SEMA5A: variants seen among roughly 807,000 people sequenced by gnomAD.
The protein encoded by SEMA5A is semaphorin-5A.
Under a neutral mutation model 135.5 loss-of-function variants are expected in SEMA5A, and 55 were observed. That is an observed-to-expected ratio of 0.41 (90% CI 0.33 to 0.51). The LOEUF is 0.51. Ranked by LOEUF, SEMA5A falls within the 20% of genes least tolerant of loss-of-function variation. The pLI, the probability that SEMA5A is intolerant of heterozygous loss-of-function variation, is 0.37. For missense variants in SEMA5A, 1,290 were observed against 1,419.9 expected (o/e 0.91, Z 1.47); for synonymous variants, 580 against 546.5 (o/e 1.06, Z -0.85).
chr5:9,075,582 G>A (rs1046788222), intron 16 of SEMA5A, among the ~76,000 whole-genome samples: 1 of 147,428 alleles, frequency 6.8e-6, no homozygotes, highest in Non-Finnish European at 1.5e-5. Context: ...TGACACTGTA[G>A]AATTCTATTC....
At chr5:9,386,617 C>T (rs149074613) in intron 2 of SEMA5A, among the ~76,000 whole-genome samples, 3,230 of 152,298 alleles carry the variant, frequency 0.021, 49 homozygotes, top group Non-Finnish European at 0.032. Context: ...TGGTGGCTGA[C>T]ACCAGCCACA....
intron 2 of SEMA5A, among the ~76,000 whole-genome samples, chr5:9,384,374 A>G (rs983963019): frequency 6.6e-6 from 1 of 152,076 alleles, no homozygotes; most frequent in African/African-American, 2.4e-5. Context: ...TATTTTAGTC[A>G]TATAATCCCG....
Position 9,395,168 on chromosome 5 carries a change from G to T in SEMA5A, c.-77-15145C>A, listed in dbSNP as rs115008130. Among the ~76,000 whole-genome samples the T allele has an allele frequency of 6.9e-3, 1,053 of 152,296 alleles. 15 individuals are homozygous for T. Among genetic ancestry groups the T allele is most frequent in the African/African-American group, 0.025 (1,019 of 41,564 alleles). ...TTAACCAGTGAGACAGGACTTCAATGCACATATTTAGATCCAGTTCAGGGT... is the reference window on the plus strand; with the variant it reads ...TTAACCAGTGAGACAGGACTTCAATTCACATATTTAGATCCAGTTCAGGGT... On this transcript the variant is annotated intron_variant, in intron 2 of 22. Transcript: ENST00000382496.
chr5:9,160,881 T>C (rs1018724108), intron 11 of SEMA5A, among the ~76,000 whole-genome samples: 6 of 152,170 alleles, frequency 3.9e-5, no homozygotes, highest in East Asian at 1.9e-4. Context: ...GTAGATTCCA[T>C]TGGAAACATG....
At chr5:9,117,448 T>C (rs1468936690) in intron 15 of SEMA5A, among the ~76,000 whole-genome samples, 1 of 152,236 alleles carries the variant, frequency 6.6e-6, no homozygotes, top group African/African-American at 2.4e-5. Context: ...TTTTGGAATA[T>C]TGGTGTATAT....
chr5:9,304,364 G>A (rs1751756836), intron 5 of SEMA5A, among the ~76,000 whole-genome samples: 1 of 151,996 alleles, frequency 6.6e-6, no homozygotes, highest in African/African-American at 2.4e-5. Flanking sequence ...CTATGTCTAT[G>A]AAAGAACATA....
At chr5:9,096,364 C>G (rs1434692749) in intron 16 of SEMA5A, among the ~76,000 whole-genome samples, 1 of 152,198 alleles carries the variant, frequency 6.6e-6, no homozygotes, top group Non-Finnish European at 1.5e-5. Context: ...TCCTGCCAAC[C>G]TAACAACCAC....
intron 1 of SEMA5A, among the ~76,000 whole-genome samples, chr5:9,543,023 T>G (rs191751584): frequency 5.9e-5 from 9 of 152,310 alleles, no homozygotes; most frequent in Non-Finnish European, 1.2e-4. Context: ...ATAAAATCAC[T>G]TGAAACTCTT....
intron 16 of SEMA5A, among the ~76,000 whole-genome samples, chr5:9,084,447 G>T (rs981966727): frequency 1.3e-5 from 2 of 152,182 alleles, no homozygotes; most frequent in African/African-American, 4.8e-5. Context: ...GGAGGAACCT[G>T]TTGGGAGATA....
chr5:9,362,028 G>A (rs765507426), intron 3 of SEMA5A, among the ~76,000 whole-genome samples: 38 of 152,210 alleles, frequency 2.5e-4, no homozygotes, highest in Non-Finnish European at 4.7e-4. Flanking sequence ...CTAGAAAGCA[G>A]GCTTGAGGCC....
intron 2 of SEMA5A, among the ~76,000 whole-genome samples, chr5:9,423,767 G>A (rs1032988052): frequency 2.0e-5 from 3 of 152,208 alleles, no homozygotes; most frequent in Non-Finnish European, 4.4e-5. Flanking sequence ...GTGGCTCTCT[G>A]GCCTGCATCA....
chr5:9,090,875 T>A (rs1295828255), intron 16 of SEMA5A, among the ~76,000 whole-genome samples: 3 of 152,228 alleles, frequency 2.0e-5, no homozygotes, highest in Admixed American at 1.3e-4. Flanking sequence ...TACGAGAGCA[T>A]GATTTATAAT....
chr5:9,278,853 G>A (rs1750397619), intron 5 of SEMA5A, among the ~76,000 whole-genome samples: 1 of 152,252 alleles, frequency 6.6e-6, no homozygotes, highest in Admixed American at 6.5e-5. Context: ...CTAGATTTCA[G>A]AAGATGTATG....
chr5:9,089,378 A>G (rs1301362183), intron 16 of SEMA5A, among the ~76,000 whole-genome samples: 8 of 152,246 alleles, frequency 5.3e-5, no homozygotes, highest in Admixed American at 2.0e-4. Flanking sequence ...AGAGGTAAAG[A>G]TCAATCTGCT....
chr5:9,512,879 C>A (rs1367054576), intron 1 of SEMA5A, among the ~76,000 whole-genome samples: 2 of 152,032 alleles, frequency 1.3e-5, no homozygotes, highest in East Asian at 1.9e-4. Flanking sequence ...CGCTCCCCTG[C>A]ATGTTCTTCC....
intron 5 of SEMA5A, among the ~76,000 whole-genome samples, chr5:9,308,643 G>T (rs1272857453): frequency 2.0e-5 from 3 of 152,112 alleles, no homozygotes; most frequent in African/African-American, 7.2e-5. Flanking sequence ...CTGTAAGCCA[G>T]ATGTCAACTA....
At chr5:9,477,377 G>C (rs376677785) in intron 1 of SEMA5A, among the ~76,000 whole-genome samples, 3 of 152,216 alleles carry the variant, frequency 2.0e-5, no homozygotes, top group Non-Finnish European at 4.4e-5. Context: ...TTTGAACTGC[G>C]TAATGGGCAG....
chr5:9,417,040 C>T (rs1339661651), intron 2 of SEMA5A, among the ~76,000 whole-genome samples: 1 of 152,204 alleles, frequency 6.6e-6, no homozygotes, highest in Non-Finnish European at 1.5e-5. Context: ...AAATAGGGAG[C>T]CTGGTACACT....
intron 2 of SEMA5A, among the ~76,000 whole-genome samples, chr5:9,394,390 T>A (rs964109807): frequency 6.6e-6 from 1 of 152,256 alleles, no homozygotes; most frequent in East Asian, 1.9e-4. Flanking sequence ...ATTGCCTCCA[T>A]GGCCCTCAGC....
Sources: allele counts gnomAD v4.1 joint callset (sites outside exome capture counted in the v4.1 genomes callset), GRCh38; gene constraint gnomAD v4.1.1; transcripts MANE v1.5; gene names NCBI Gene and HGNC (gene_info 2026-07-23, HGNC 2026-07-21).